Variants in CSMD1 observed in about 807,000 individuals in gnomAD.
CSMD1 encodes the protein CUB and sushi domain-containing protein 1.
A neutral mutation model predicts 417.5 loss-of-function variants in CSMD1; 213 were observed. That is an observed-to-expected ratio of 0.51 (90% CI 0.46 to 0.57). The LOEUF is 0.57. Among genes scored for constraint, CSMD1 ranks in the 20% least tolerant of loss-of-function variants. The pLI is 0.00. For synonymous variants in CSMD1, 2,862 were observed against 1,736.8 expected, an observed-to-expected ratio of 1.65 and a Z score of -16.11; for missense variants, 6,923 against 4,529.7, an observed-to-expected ratio of 1.53 and a Z score of -15.17.
chr8:4,532,534 T>C (rs1221069194), intron 2 of CSMD1, among the ~76,000 whole-genome samples: 12 of 135,870 alleles, frequency 8.8e-5, no homozygotes, highest in Non-Finnish European at 4.6e-5. Flanking sequence ...AGAGAAATCC[T>C]GCACCGCCAT....
At chr8:3,717,079 G>A (rs908046278) in intron 6 of CSMD1, among the ~76,000 whole-genome samples, 16 of 152,184 alleles carry the variant, frequency 1.1e-4, no homozygotes, top group African/African-American at 3.4e-4. Flanking sequence ...ACTAGAACCT[G>A]CTGGCTTTAC....
At chr8:4,262,952 AAACTGAGTCTCCAAGTAG>A (rs1803987786) in intron 3 of CSMD1, among the ~76,000 whole-genome samples, 1 of 152,232 alleles carries the variant, frequency 6.6e-6, no homozygotes, top group Non-Finnish European at 1.5e-5. Flanking sequence ...TCAGCCAAGG[AAACTGAGTCTCCAAGTAG>A]AATCACATTT....
intron 3 of CSMD1, among the ~76,000 whole-genome samples, chr8:4,068,095 A>G (rs1401537013): frequency 2.0e-5 from 3 of 151,882 alleles, no homozygotes; most frequent in African/African-American, 7.3e-5. Flanking sequence ...AGAAAAAAAG[A>G]AAAAAAGGGA....
intron 1 of CSMD1, among the ~76,000 whole-genome samples, chr8:4,773,008 T>C (rs978795092): frequency 6.6e-6 from 1 of 152,184 alleles, no homozygotes; most frequent in Admixed American, 6.5e-5. Context: ...CACTGACCAA[T>C]TAACAAGAAA....
At chr8:3,183,802 T>G (rs542537994) in intron 36 of CSMD1, among the ~76,000 whole-genome samples, 16 of 152,336 alleles carry the variant, frequency 1.1e-4, no homozygotes, top group African/African-American at 3.8e-4. Context: ...ACGCCTTAAC[T>G]GGCGTGCATT....
Position 4,111,113 on chromosome 8 carries a change from G to C in CSMD1, c.416-79014C>G, listed in dbSNP as rs1801831632. 2.6e-5 allele frequency among the ~76,000 whole-genome samples: 4 copies of C among 151,952 alleles called. 1 individual carries two copies. In the South Asian group the frequency reaches 8.3e-4, roughly 32 times the overall value. On this transcript the variant is annotated intron_variant, in intron 3 of 69. Coordinates refer to ENST00000635120, the MANE Select transcript of CSMD1 (RefSeq NM_033225.6). ...ATCTTTCAAGGATTCCTTCTACAAA[G>C]TTTTGTTTTGCTCTGGTTTGGTTCG...
intron 12 of CSMD1, among the ~76,000 whole-genome samples, chr8:3,455,814 G>A (rs1311878442): frequency 6.6e-6 from 1 of 152,228 alleles, no homozygotes; most frequent in African/African-American, 2.4e-5. Context: ...TGCATGCTGG[G>A]AGAACCACTA....
chr8:3,712,394 GAGAGAGACAGACAGACAGAC>G (rs772858898), intron 6 of CSMD1, among the ~76,000 whole-genome samples: 138 of 78,434 alleles, frequency 1.8e-3, no homozygotes, highest in South Asian at 5.5e-3. Context: ...GAGAGAGAGA[GAGAGAGACAGACAGACAGAC>G]AGACAGACAG....
At chr8:4,935,997 C>G (rs1807595377) in intron 1 of CSMD1, among the ~76,000 whole-genome samples, 1 of 152,042 alleles carries the variant, frequency 6.6e-6, no homozygotes, top group South Asian at 2.1e-4. Context: ...GCAAAAACAG[C>G]CAGGAATAAT....
chr8:3,860,005 G>C (rs1286228979), intron 5 of CSMD1, among the ~76,000 whole-genome samples: 1 of 152,110 alleles, frequency 6.6e-6, no homozygotes, highest in Non-Finnish European at 1.5e-5. Flanking sequence ...CCCAAACTTG[G>C]AGTTTGTTTG....
At chr8:3,279,431 A>C (rs1480904588) in intron 26 of CSMD1, among the ~76,000 whole-genome samples, 2 of 152,216 alleles carry the variant, frequency 1.3e-5, no homozygotes, top group Non-Finnish European at 2.9e-5. Flanking sequence ...TTTATTTTAC[A>C]GCCCTGATTG....
intron 5 of CSMD1, chr8:3,949,997 C>T (rs1406226050): frequency 2.2e-6 from 1 of 455,814 alleles, no homozygotes; most frequent in East Asian, 7.0e-5. Context: ...AAATTACCCA[C>T]TACATTTGCC....
chr8:3,090,395 C>T (rs1814861545), intron 48 of CSMD1, among the ~76,000 whole-genome samples: 2 of 150,394 alleles, frequency 1.3e-5, no homozygotes, highest in South Asian at 4.2e-4. Flanking sequence ...CAAATCCCAT[C>T]ATTGCATCGA....
At chr8:4,411,794 G>A (rs74753282) in intron 3 of CSMD1, among the ~76,000 whole-genome samples, 3,190 of 152,082 alleles carry the variant, frequency 0.021, 99 homozygotes, top group African/African-American at 0.073. Flanking sequence ...GGAATCACGT[G>A]GCATATGCAT....
chr8:4,008,600 CTTTTTTTTTTT>C (rs1161117794), intron 4 of CSMD1, among the ~76,000 whole-genome samples: 7 of 80,452 alleles, frequency 8.7e-5, no homozygotes, highest in African/African-American at 3.2e-4. Context: ...TTCTTTTTTT[CTTTTTTTTTTT>C]TTTTTTTTTT....
intron 1 of CSMD1, among the ~76,000 whole-genome samples, chr8:4,855,929 C>T (rs1419818225): frequency 6.7e-6 from 1 of 149,756 alleles, no homozygotes; most frequent in African/African-American, 2.5e-5. Flanking sequence ...CAAAGATACT[C>T]CTCGAGAAGA....
At chr8:3,343,147 C>A (rs918677504) in intron 23 of CSMD1, 147 bp downstream of exon 23, 12 of 599,664 alleles carry the variant, frequency 2.0e-5, no homozygotes, top group African/African-American at 1.9e-5. Context: ...AATATACAAC[C>A]AGTCAACAGA....
intron 3 of CSMD1, among the ~76,000 whole-genome samples, chr8:4,290,766 T>A (rs779589750): frequency 6.6e-6 from 1 of 152,344 alleles, no homozygotes; most frequent in East Asian, 1.9e-4. Flanking sequence ...GGATTTCTAT[T>A]CTGTAAGTCT....
intron 50 of CSMD1, among the ~76,000 whole-genome samples, chr8:3,031,016 G>A (rs1351698926): frequency 2.6e-5 from 4 of 151,510 alleles, no homozygotes; most frequent in Admixed American, 2.6e-4. Flanking sequence ...ATTTTTTTAG[G>A]TTGAAGGAAT....
Sources: gnomAD v4.1 joint callset for allele counts (sites outside exome capture counted in the v4.1 genomes callset) on GRCh38, gnomAD v4.1.1 for gene constraint, MANE v1.5 for transcripts, NCBI Gene and HGNC (gene_info 2026-07-23, HGNC 2026-07-21) for gene names.